The following FLRT2 variants were observed in gnomAD, a reference collection of about 807,000 sequenced individuals.
FLRT2 encodes the protein leucine-rich repeat transmembrane protein FLRT2.
A neutral mutation model predicts 40.0 loss-of-function variants in FLRT2; 15 were observed. The observed-to-expected ratio is 0.38, with a 90% confidence interval of 0.25 to 0.58. The LOEUF is 0.58. Among genes scored for constraint, FLRT2 ranks in the 20% least tolerant of loss-of-function variants. The pLI is 0.71. For synonymous variants in FLRT2, 380 were observed against 336.8 expected (o/e 1.13, Z -1.41); for missense variants, 726 against 840.0 (o/e 0.86, Z 1.68).
rs556900817 is a variant in FLRT2, at chr14:85,557,062, T to C, written c.-377+26528T>C. Among the ~76,000 whole-genome samples, 5 of 152,238 alleles carry C rather than the reference T, an allele frequency of 3.3e-5. No individual in the cohort carries two copies. The East Asian group carries it at 9.7e-4, about 30-fold the overall frequency. On this transcript the variant is annotated intron_variant, in intron 1 of 1. Transcript: ENST00000330753. The stretch of plus-strand genomic sequence containing the variant: ...ACCACAAGAACAGTATGGGGGAAAC[T>C]GCCCCCATGATTCAAATTATCTTCC...
At chr14:85,582,145 G>A (rs1387967273) in intron 1 of FLRT2, among the ~76,000 whole-genome samples, 1 of 152,180 alleles carries the variant, frequency 6.6e-6, no homozygotes, top group African/African-American at 2.4e-5. Flanking sequence ...CTTAGATCCT[G>A]TAGATTGATG....
At chr14:85,594,260 A>G (rs1420628990) in intron 1 of FLRT2, among the ~76,000 whole-genome samples, 1 of 152,212 alleles carries the variant, frequency 6.6e-6, no homozygotes, top group Non-Finnish European at 1.5e-5. Context: ...TAAATATTAA[A>G]CACTCTCAGT....
Position 85,643,290 on chromosome 14 carries a change from T to TC in FLRT2, c.*19793_*19794insC, listed in dbSNP as rs1894197039. On this transcript the variant is annotated 3_prime_UTR_variant, in exon 2 of 2. Transcript: ENST00000330753. The stretch of plus-strand genomic sequence containing the variant: ...GAGAGAGTTCAGAGGGTATTTCTTT[T>TC]TTTTCTTTCTTTCTTTCTTTCTTTC... 10 of 136,094 alleles carry TC rather than the reference T, an allele frequency of 7.3e-5. No individual in the cohort carries two copies. Among genetic ancestry groups the TC allele is most frequent in the African/African-American group, 2.7e-4 (9 of 33,418 alleles). 8.4% of individuals were successfully genotyped at this position (136,094 alleles called of 1,614,324 possible). A position where few individuals can be genotyped will look rare whatever the true frequency, so the allele number is the denominator to read the frequency against.
intron 1 of FLRT2, among the ~76,000 whole-genome samples, chr14:85,541,164 C>A (rs1888964859): frequency 2.0e-5 from 3 of 152,072 alleles, no homozygotes; most frequent in Admixed American, 2.0e-4. Flanking sequence ...AAGAAAAGTA[C>A]AAAATGCAAT....
intron 1 of FLRT2, among the ~76,000 whole-genome samples, chr14:85,610,381 A>C (rs1210153605): frequency 6.6e-6 from 1 of 152,100 alleles, no homozygotes; most frequent in Non-Finnish European, 1.5e-5. Context: ...CTTCTCAAGA[A>C]CTTCTTTCAG....
chr14:85,584,282 G>A (rs1891520430), intron 1 of FLRT2, among the ~76,000 whole-genome samples: 1 of 152,174 alleles, frequency 6.6e-6, no homozygotes, highest in Non-Finnish European at 1.5e-5. Context: ...ACATATGGCT[G>A]CATAGTATTG....
chr14:85,618,329 A>G (rs542647558), intron 1 of FLRT2, among the ~76,000 whole-genome samples: 45 of 152,348 alleles, frequency 3.0e-4, no homozygotes, highest in African/African-American at 1.1e-3. Flanking sequence ...CATTCTTTTC[A>G]GTGGTTGCTT....
At position 85,645,201 on chromosome 14, in the gene FLRT2, T is replaced by C. The variant is rs1418617625; in HGVS notation, c.*21704T>C. On this transcript the variant is annotated 3_prime_UTR_variant, in exon 2 of 2. Transcript: ENST00000330753. ...ATGTATACCTATATATATGTATACA[T>C]ATGTATATATGTACACATGTGTATA... 6.6e-6 allele frequency: 1 copy of C among 151,780 alleles called. No homozygotes were observed. Among genetic ancestry groups the C allele is most frequent in the East Asian group, 1.9e-4 (1 of 5,170 alleles). 9.4% of individuals were successfully genotyped at this position (151,780 alleles called of 1,614,324 possible).
chr14:85,572,269 G>A (rs2139862842), intron 1 of FLRT2, among the ~76,000 whole-genome samples: 1 of 152,146 alleles, frequency 6.6e-6, no homozygotes, highest in South Asian at 2.1e-4. Flanking sequence ...AGAATTCCCA[G>A]ACTGTTTTAA....
At chr14:85,590,369 T>C (rs1891827250) in intron 1 of FLRT2, among the ~76,000 whole-genome samples, 2 of 152,140 alleles carry the variant, frequency 1.3e-5, no homozygotes, top group South Asian at 2.1e-4. Context: ...GTCCCTTCTG[T>C]TTTTTCATCT....
chr14:85,571,226 A>C (rs1299746508), intron 1 of FLRT2, among the ~76,000 whole-genome samples: 4 of 152,196 alleles, frequency 2.6e-5, no homozygotes, highest in South Asian at 4.1e-4. Context: ...CATCATGTTA[A>C]CTTAGGGTCT....
intron 1 of FLRT2, among the ~76,000 whole-genome samples, chr14:85,615,285 GT>G (rs1452656731): frequency 2.6e-5 from 4 of 152,184 alleles, no homozygotes; most frequent in African/African-American, 9.7e-5. Context: ...CTGGTTATTT[GT>G]TCTCAAGTTA....
chr14:85,564,427 A>G (rs1386655541), intron 1 of FLRT2, among the ~76,000 whole-genome samples: 6 of 152,224 alleles, frequency 3.9e-5, no homozygotes, highest in African/African-American at 9.6e-5. Flanking sequence ...AAATTAAACA[A>G]GTAAATACAA....
Position 85,641,556 on chromosome 14 carries a change from C to A in FLRT2, c.*18059C>A, listed in dbSNP as rs1228858985. 1.3e-5 allele frequency: 2 copies of A among 152,216 alleles called. No individual in the cohort carries two copies. The highest frequency in any genetic ancestry group is 2.4e-5 in the African/African-American group (1 of 41,444). The allele number at this position is 152,216 out of a possible 1,614,324, so 9.4% of individuals were successfully genotyped here. On this transcript the variant is annotated 3_prime_UTR_variant, in exon 2 of 2. Transcript: ENST00000330753. ...CTGGATAAGGACTACAGTAGTACGT[C>A]CTTGGACGCAACAGTTTAAGAGGTA...
At chr14:85,548,990 G>A (rs1396476805) in intron 1 of FLRT2, among the ~76,000 whole-genome samples, 1 of 152,188 alleles carries the variant, frequency 6.6e-6, no homozygotes, top group Non-Finnish European at 1.5e-5. Context: ...CAGAGGGACA[G>A]CTTGACAGTG....
intron 1 of FLRT2, among the ~76,000 whole-genome samples, chr14:85,536,810 G>T (rs1285637016): frequency 1.3e-5 from 2 of 152,106 alleles, no homozygotes; most frequent in African/African-American, 4.8e-5. Context: ...AAATGTTATG[G>T]ACTAATAGAG....
chr14:85,592,799 A>AAAG (rs1555369074), intron 1 of FLRT2, among the ~76,000 whole-genome samples: 1 of 100,402 alleles, frequency 1.0e-5, no homozygotes, highest in African/African-American at 3.8e-5. Flanking sequence ...CAAAAAAAAA[A>AAAG]AAAAAAAAGA....
rs368351472 is a variant in FLRT2, at chr14:85,583,660, A to G, written c.-376-37479A>G. 7.4e-4 allele frequency among the ~76,000 whole-genome samples: 112 copies of G among 152,222 alleles called. 2 individuals are homozygous for G. The South Asian group carries it at 0.016, about 22-fold the overall frequency. On this transcript the variant is annotated intron_variant, in intron 1 of 1. Coordinates refer to ENST00000330753, the MANE Select transcript of FLRT2 (RefSeq NM_013231.6). ...CGCTTAAAGAATATTCCCTCAAGGC[A>G]TTGTGCACGGAAGGAGATATAATTT...
chr14:85,632,920 T>C lies in FLRT2; in HGVS notation c.*9423T>C, dbSNP rs1346303813. On this transcript the variant is annotated 3_prime_UTR_variant, in exon 2 of 2. Coordinates refer to ENST00000330753, the MANE Select transcript of FLRT2 (RefSeq NM_013231.6). The stretch of plus-strand genomic sequence containing the variant: ...ACTTTTCCTAAAATGGGGACAATGA[T>C]GTCTAACACATATGGTGGTTGTCAG... The C allele has an allele frequency of 2.6e-5, 4 of 152,242 alleles. No homozygotes were observed. Among genetic ancestry groups the C allele is most frequent in the Non-Finnish European group, 5.9e-5 (4 of 68,044 alleles). 9.4% of individuals were successfully genotyped at this position (152,242 alleles called of 1,614,324 possible). A position where few individuals can be genotyped will look rare whatever the true frequency, so the allele number is the denominator to read the frequency against.
Sources: allele counts gnomAD v4.1 joint callset (sites outside exome capture counted in the v4.1 genomes callset), GRCh38; gene constraint gnomAD v4.1.1; transcripts MANE v1.5; gene names NCBI Gene and HGNC (gene_info 2026-07-23, HGNC 2026-07-21).